The following SENP7 variants were observed in gnomAD, a reference collection of about 807,000 sequenced individuals.
SENP7 encodes the protein sentrin-specific protease 7.
SENP7 carries 64 observed loss-of-function variants against 141.2 expected under a neutral mutation model. That is an observed-to-expected ratio of 0.45 (90% CI 0.37 to 0.56). The LOEUF is 0.56. Among genes scored for constraint, SENP7 ranks in the 20% least tolerant of loss-of-function variants. The probability of loss-of-function intolerance (pLI) is 0.00; values close to 1 mark genes in which losing one functional copy is unlikely to be tolerated. For missense variants in SENP7, 1,025 were observed against 1,212.2 expected (o/e 0.85, Z 2.29); for synonymous variants, 382 against 426.4 (o/e 0.90, Z 1.28).
chr3:101,333,482 C>A (rs2059108509), intron 17 of SENP7, among the ~76,000 whole-genome samples: 1 of 152,112 alleles, frequency 6.6e-6, no homozygotes, highest in Non-Finnish European at 1.5e-5. Context: ...TGTGATCACA[C>A]CACTGCACTC....
Position 101,501,136 on chromosome 3 carries a change from C to A in SENP7, c.41-17G>T, listed in dbSNP as rs753941695. 1.3e-6 allele frequency: 2 copies of A among 1,584,888 alleles called. No homozygotes were observed. Among genetic ancestry groups the A allele is most frequent in the Non-Finnish European group, 8.6e-7 (1 of 1,158,866 alleles). On this transcript the variant is annotated splice_polypyrimidine_tract_variant and intron_variant, in intron 1 of 23. Transcript: ENST00000394095. ...TGATGATTTCTACAAAAACCAAAGA[C>A]GTGGTAAAAATTATCGTTTAACATC...
At chr3:101,350,855 A>G (rs892900620) in intron 12 of SENP7, among the ~76,000 whole-genome samples, 1 of 151,916 alleles carries the variant, frequency 6.6e-6, no homozygotes, top group African/African-American at 2.4e-5. Context: ...TGTGCCCTTT[A>G]TATTCTTAAT....
chr3:101,376,621 CT>C (rs2060338068), intron 6 of SENP7, among the ~76,000 whole-genome samples: 1 of 150,076 alleles, frequency 6.7e-6, no homozygotes, highest in Non-Finnish European at 1.5e-5. Context: ...ATATCACACT[CT>C]GGGGACTGTT....
At chr3:101,331,589 A>G (rs540604107) in intron 19 of SENP7, among the ~76,000 whole-genome samples, 1 of 140,868 alleles carries the variant, frequency 7.1e-6, no homozygotes, top group African/African-American at 2.6e-5. Context: ...TGGAATAAAC[A>G]TAAAATTTAG....
chr3:101,328,214 T>C (rs754386352), intron 22 of SENP7, among the ~76,000 whole-genome samples: 44 of 152,158 alleles, frequency 2.9e-4, no homozygotes, highest in Non-Finnish European at 5.7e-4. Flanking sequence ...TGATAATCAA[T>C]GCAATGCTTC....
intron 5 of SENP7, among the ~76,000 whole-genome samples, chr3:101,413,952 A>G (rs1158320731): frequency 1.3e-5 from 2 of 152,236 alleles, no homozygotes; most frequent in African/African-American, 2.4e-5. Flanking sequence ...ATGTGGAGCC[A>G]TTGAAAGATG....
intron 2 of SENP7, among the ~76,000 whole-genome samples, chr3:101,497,342 A>G (rs1000399510): frequency 1.3e-5 from 2 of 152,216 alleles, no homozygotes; most frequent in African/African-American, 4.8e-5. Context: ...AAAAACAATG[A>G]CATCCCAGTT....
At chr3:101,430,482 T>C (rs2062123312) in intron 4 of SENP7, among the ~76,000 whole-genome samples, 2 of 152,204 alleles carry the variant, frequency 1.3e-5, no homozygotes, top group Admixed American at 1.3e-4. Context: ...CATAGAAGTG[T>C]TTATAGTATT....
chr3:101,477,989 G>A (rs1441212866), intron 3 of SENP7, among the ~76,000 whole-genome samples: 1 of 151,536 alleles, frequency 6.6e-6, no homozygotes, highest in Non-Finnish European at 1.5e-5. Context: ...TAAACAACTG[G>A]CTAGACTGGC....
At position 101,499,548 on chromosome 3, in the gene SENP7, TTCTTG is replaced by T. The variant is rs1196095427; in HGVS notation, c.90+1517_90+1521del. 2.0e-5 allele frequency among the ~76,000 whole-genome samples: 3 copies of T among 149,336 alleles called. 1 individual carries two copies. The highest frequency in any genetic ancestry group is 7.5e-5 in the African/African-American group (3 of 40,260). ...CATGCCCAGCTAATTTTTTTTTTTT[TTCTTG>T]GAGACAGAGTCTCGCTCTGTCGCCC... On this transcript the variant is annotated intron_variant, in intron 2 of 23. Coordinates refer to ENST00000394095, the MANE Select transcript of SENP7 (RefSeq NM_020654.5).
rs115967939 is a variant in SENP7, at chr3:101,347,109, C to G, written c.1837+763G>C. Among the ~76,000 whole-genome samples, 903 of 152,036 alleles carry G rather than the reference C, an allele frequency of 5.9e-3. 4 individuals are homozygous for G. The highest frequency in any genetic ancestry group is 0.014 in the Middle Eastern group (4 of 294). Reference sequence around the variant, plus strand: ...TGGTGCTGCACCCCTGTAGTCCCAGCTACTTGGGAGGCTGAGGTGGGAGGA... The same window carrying G: ...TGGTGCTGCACCCCTGTAGTCCCAGGTACTTGGGAGGCTGAGGTGGGAGGA... On this transcript the variant is annotated intron_variant, in intron 13 of 23. Coordinates refer to ENST00000394095, the MANE Select transcript of SENP7 (RefSeq NM_020654.5).
intron 3 of SENP7, among the ~76,000 whole-genome samples, chr3:101,469,465 A>C (rs1235053469): frequency 6.6e-6 from 1 of 151,450 alleles, no homozygotes; most frequent in Non-Finnish European, 1.5e-5. Context: ...TCTCAGCACC[A>C]CATCACACTT....
At chr3:101,425,501 A>G (rs957729045) in intron 4 of SENP7, among the ~76,000 whole-genome samples, 25 of 152,158 alleles carry the variant, frequency 1.6e-4, no homozygotes, top group African/African-American at 5.3e-4. Flanking sequence ...AAAGAAAAAG[A>G]CTCTACCCAA....
rs557872584 is a variant in SENP7, at chr3:101,393,942, G to GT, written c.677+4918dup. Among the ~76,000 whole-genome samples the GT allele has an allele frequency of 2.6e-3, 397 of 152,308 alleles. 1 individual carries two copies. Among genetic ancestry groups the GT allele is most frequent in the African/African-American group, 9.2e-3 (381 of 41,572 alleles). Reference sequence around the variant, plus strand: ...TTATCTGGGGTATCCATCACCTCAAGTATTTATCATTTCCATGTGTTGGGA... The same window carrying GT: ...TTATCTGGGGTATCCATCACCTCAAGTTATTTATCATTTCCATGTGTTGGGA... On this transcript the variant is annotated intron_variant, in intron 6 of 23. Coordinates refer to ENST00000394095, the MANE Select transcript of SENP7 (RefSeq NM_020654.5).
intron 5 of SENP7, among the ~76,000 whole-genome samples, chr3:101,404,490 A>T (rs2061241986): frequency 6.6e-6 from 1 of 152,242 alleles, no homozygotes; most frequent in East Asian, 1.9e-4. Flanking sequence ...AGGCAATACC[A>T]TGCAGGACGT....
intron 3 of SENP7, among the ~76,000 whole-genome samples, chr3:101,486,638 A>C (rs184520355): frequency 6.6e-5 from 10 of 152,366 alleles, no homozygotes; most frequent in Non-Finnish European, 1.5e-4. Context: ...CTGGAAACAC[A>C]TCAAAACAGA....
intron 3 of SENP7, among the ~76,000 whole-genome samples, chr3:101,482,412 CA>C (rs1290470481): frequency 6.6e-6 from 1 of 151,550 alleles, no homozygotes; most frequent in Non-Finnish European, 1.5e-5. Flanking sequence ...TGAAAGAAAT[CA>C]AAGAACCAAA....
chr3:101,353,630 T>C (rs2059666018), intron 11 of SENP7, among the ~76,000 whole-genome samples: 1 of 152,072 alleles, frequency 6.6e-6, no homozygotes, highest in South Asian at 2.1e-4. Flanking sequence ...TTTTATAATT[T>C]CTTACAATAG....
chr3:101,463,392 T>C (rs111722738), intron 3 of SENP7, among the ~76,000 whole-genome samples: 6,298 of 88,948 alleles, frequency 0.071, 190 homozygotes, highest in Middle Eastern at 0.082. Flanking sequence ...TATATATATA[T>C]ATATACATAT....
Sources: allele counts gnomAD v4.1 joint callset (sites outside exome capture counted in the v4.1 genomes callset), GRCh38; gene constraint gnomAD v4.1.1; transcripts MANE v1.5; gene names NCBI Gene and HGNC (gene_info 2026-07-23, HGNC 2026-07-21).